Variants in PANK2 observed in about 807,000 individuals in gnomAD.
PANK2 encodes the protein pantothenate kinase 2.
Under a neutral mutation model 43.1 loss-of-function variants are expected in PANK2, and 36 were observed. That is an observed-to-expected ratio of 0.84 (90% CI 0.64 to 1.10). PANK2 has a LOEUF of 1.10. PANK2 is among the 50% of genes least tolerant of loss of function. The pLI, the probability that PANK2 is intolerant of heterozygous loss-of-function variation, is 0.00. For synonymous variants in PANK2, 281 were observed against 238.2 expected (o/e 1.18, Z -1.66); for missense variants, 576 against 593.3 (o/e 0.97, Z 0.30).
chr20:3,907,804 C>G (rs767155226), intron 1 of PANK2, 122 bp from the exon 2 acceptor site: 3 of 818,454 alleles, frequency 3.7e-6, no homozygotes, highest in Non-Finnish European at 3.9e-6. Flanking sequence ...TGCCCCAAAA[C>G]CCTTTTGCCT....
intron 1 of PANK2, chr20:3,901,573 C>A: frequency 1.0e-6 from 1 of 977,102 alleles, no homozygotes; most frequent in Non-Finnish European, 1.2e-6. Flanking sequence ...GCTTTCATTT[C>A]CTTCTCCCTT....
intron 6 of PANK2, among the ~76,000 whole-genome samples, chr20:3,919,905 T>C (rs914213511): frequency 6.6e-6 from 1 of 152,232 alleles, no homozygotes; most frequent in African/African-American, 2.4e-5. Context: ...AGTTTTTCTT[T>C]TTAAATTGCT....
At chr20:3,916,239 G>A (rs543190648) in intron 4 of PANK2, among the ~76,000 whole-genome samples, 7 of 152,252 alleles carry the variant, frequency 4.6e-5, no homozygotes, top group African/African-American at 1.4e-4. Context: ...TTTTGAGATC[G>A]TTTAGAAGTA....
intron 4 of PANK2, among the ~76,000 whole-genome samples, chr20:3,913,989 C>CCG (rs2090516379): frequency 6.6e-6 from 1 of 151,690 alleles, no homozygotes. Flanking sequence ...TGGGGTTTCA[C>CCG]TATGTTGGCC....
intron 1 of PANK2, among the ~76,000 whole-genome samples, chr20:3,891,568 G>T (rs2090123443): frequency 6.6e-6 from 1 of 152,170 alleles, no homozygotes. Context: ...TTTACGTTCT[G>T]TTAGTTATTT....
intron 1 of PANK2, 52 bp downstream of exon 1, chr20:3,889,780 C>T: frequency 1.3e-6 from 2 of 1,564,438 alleles, no homozygotes; most frequent in Non-Finnish European, 1.7e-6. Context: ...CCCTTCCGGC[C>T]CACCCTGTCC....
intron 1 of PANK2, among the ~76,000 whole-genome samples, chr20:3,897,941 A>G (rs1225257050): frequency 3.3e-5 from 5 of 151,966 alleles, no homozygotes; most frequent in South Asian, 2.1e-4. Context: ...TGGGAGGCGG[A>G]GGTTGCAGTG....
At chr20:3,921,200 C>T (rs1048993160) in intron 6 of PANK2, 1 of 146,888 alleles carries the variant, frequency 6.8e-6, no homozygotes, top group East Asian at 2.2e-4. Flanking sequence ...TCCCTCCCCC[C>T]TCCCCCCACC....
At chr20:3,892,397 G>T (rs1237964033) in intron 1 of PANK2, among the ~76,000 whole-genome samples, 2 of 151,736 alleles carry the variant, frequency 1.3e-5, no homozygotes, top group African/African-American at 4.8e-5. Context: ...CCCTCCTAGA[G>T]TATACTTCAG....
intron 1 of PANK2, among the ~76,000 whole-genome samples, chr20:3,893,188 C>T (rs889346438): frequency 2.0e-5 from 3 of 152,170 alleles, no homozygotes; most frequent in South Asian, 2.1e-4. Context: ...GTCCTTTTGT[C>T]CAAGGCCATA....
At chr20:3,919,219 G>A (rs929653042) in intron 6 of PANK2, among the ~76,000 whole-genome samples, 1 of 152,030 alleles carries the variant, frequency 6.6e-6, no homozygotes, top group African/African-American at 2.4e-5. Context: ...AACTTTTTTG[G>A]TAGTTTAATT....
rs1261169452 is a variant in PANK2, at chr20:3,928,451, ATG to A, written c.*5158_*5159del. On this transcript the variant is annotated 3_prime_UTR_variant, in exon 7 of 7. Transcript: ENST00000610179. ...CTAACTTTCATCAGCGGGGACAAAAATGAACTTAAACTAAAAAAATTATTGGC... is the reference window on the plus strand; with the variant it reads ...CTAACTTTCATCAGCGGGGACAAAAAAACTTAAACTAAAAAAATTATTGGC... 6.6e-6 allele frequency: 1 copy of A among 152,198 alleles called. No homozygotes were observed. The highest frequency in any genetic ancestry group is 1.5e-5 in the Non-Finnish European group (1 of 68,072). The allele number at this position is 152,198 out of a possible 1,614,324, so 9.4% of individuals were successfully genotyped here.
intron 1 of PANK2, among the ~76,000 whole-genome samples, chr20:3,895,485 TTTTTTTTTTTTTC>T (rs965770078): frequency 8.1e-4 from 1 of 1,236 alleles, no homozygotes; most frequent in Non-Finnish European, 0.016. Context: ...CCTGTCTCCG[TTTTTTTTTTTTTC>T]TTTTTTTTTT....
At chr20:3,888,943 AGCGGCCAGACGCTGCGGG>A, upstream of PANK2, 31 of 576,024 alleles carry the variant, frequency 5.4e-5, no homozygotes, top group Admixed American at 2.3e-4. Context: ...GCCGACGACC[AGCGGCCAGACGCTGCGGG>A]AGCACTGCTG....
Position 3,917,107 on chromosome 20 carries a change from C to T in PANK2, c.1206+57C>T, listed in dbSNP as rs755171688. ...AAGGAAAATACTGAACTTAAGTGGG[C>T]CCCATCACGTCTGTTTTCTCAGAAC... On this transcript the variant is annotated intron_variant, in intron 5 of 6. Coordinates refer to ENST00000610179, the MANE Select transcript of PANK2 (RefSeq NM_001386393.1). 3.4e-5 allele frequency: 55 copies of T among 1,604,038 alleles called. 1 individual carries two copies. Among genetic ancestry groups the T allele is most frequent in the Middle Eastern group, 1.7e-4 (1 of 6,014 alleles).
At chr20:3,898,855 T>A (rs2090252703) in intron 1 of PANK2, among the ~76,000 whole-genome samples, 1 of 151,872 alleles carries the variant, frequency 6.6e-6, no homozygotes, top group Admixed American at 6.6e-5. Flanking sequence ...TGGGAAACAG[T>A]CTTGCTGGTC....
chr20:3,889,136 T>C (rs2090064000), upstream of PANK2: 3 of 1,563,938 alleles, frequency 1.9e-6, no homozygotes, highest in Non-Finnish European at 2.6e-6. Context: ...CACGCGTCCA[T>C]TGGGCGGCGC....
chr20:3,919,669 A>G (rs969122357), intron 6 of PANK2, among the ~76,000 whole-genome samples: 3 of 152,196 alleles, frequency 2.0e-5, no homozygotes, highest in South Asian at 2.1e-4. Context: ...AAAGAAGCAG[A>G]GGTATGGAAA....
intron 1 of PANK2, among the ~76,000 whole-genome samples, chr20:3,906,964 G>A (rs6052166): frequency 0.54 from 82,304 of 151,862 alleles, 22,517 homozygotes; most frequent in East Asian, 0.66. Context: ...ACAGCCAGCT[G>A]ATTTCTGTAT....
Sources: allele counts gnomAD v4.1 joint callset (sites outside exome capture counted in the v4.1 genomes callset), GRCh38; gene constraint gnomAD v4.1.1; transcripts MANE v1.5; gene names NCBI Gene and HGNC (gene_info 2026-07-23, HGNC 2026-07-21).